Variants in NRG1 observed in about 807,000 individuals in gnomAD.
The protein encoded by NRG1 is pro-neuregulin-1, membrane-bound isoform.
Under a neutral mutation model 63.8 loss-of-function variants are expected in NRG1, and 18 were observed. That is an observed-to-expected ratio of 0.28 (90% CI 0.19 to 0.42). The LOEUF (loss-of-function observed/expected upper bound fraction) is 0.42. Among genes scored for constraint, NRG1 ranks in the 10% least tolerant of loss-of-function variants. NRG1 has a pLI of 1.00. For missense variants in NRG1, 762 were observed against 814.7 expected (o/e 0.94, Z 0.79); for synonymous variants, 302 against 301.3 (o/e 1.00, Z -0.02).
rs77606439 is a variant in NRG1, at chr8:31,664,203, C to G, written c.37+24772C>G. Among the ~76,000 whole-genome samples, 462 of 152,282 alleles carry G rather than the reference C, an allele frequency of 3.0e-3. 3 individuals are homozygous for G. Among genetic ancestry groups the G allele is most frequent in the African/African-American group, 0.011 (444 of 41,562 alleles). The stretch of plus-strand genomic sequence containing the variant: ...GAAAGGCAGGCACCAGTGGATTCCT[C>G]TGTAGTCAAGACTTAACATAACCAG... On this transcript the variant is annotated intron_variant, in intron 1 of 10. Transcript: ENST00000519301.
intron 1 of NRG1, among the ~76,000 whole-genome samples, chr8:32,065,699 C>G (rs1159731864): frequency 6.6e-6 from 1 of 151,974 alleles, no homozygotes; most frequent in Non-Finnish European, 1.5e-5. Context: ...GGGTATATAC[C>G]CAGTAATGGG....
intron 1 of NRG1, among the ~76,000 whole-genome samples, chr8:32,566,985 A>C (rs1395657085): frequency 3.9e-5 from 6 of 152,116 alleles, no homozygotes; most frequent in Non-Finnish European, 5.9e-5. Context: ...TGGGATTATA[A>C]GCAGGCACCA....
Position 31,640,514 on chromosome 8 carries a change from A to G in NRG1, c.37+1083A>G, listed in dbSNP as rs749713591. ...GCGGTGAAAGCCGGGGGCTTGAAGA[A>G]GGACTCGCTGCTCACCGTGCGCCTG... is the stretch of plus-strand genomic sequence containing the variant. On this transcript the variant is annotated intron_variant, in intron 1 of 10. Coordinates refer to the NRG1 transcript ENST00000519301. This position sits in a 1 kb window ranked among gnomAD's most constrained non-coding sequence, Gnocchi z 6.3. 59 of 1,610,956 alleles carry G rather than the reference A, an allele frequency of 3.7e-5. No homozygotes were observed. The highest frequency in any genetic ancestry group is 4.7e-5 in the Non-Finnish European group (55 of 1,179,192).
intron 1 of NRG1, among the ~76,000 whole-genome samples, chr8:32,345,960 A>G (rs918965702): frequency 1.3e-5 from 2 of 151,686 alleles, no homozygotes; most frequent in African/African-American, 4.8e-5. Flanking sequence ...GTGAGCCAAG[A>G]TGGCACCACT....
At chr8:32,560,765 C>T (rs1836238569) in intron 1 of NRG1, among the ~76,000 whole-genome samples, 1 of 152,136 alleles carries the variant, frequency 6.6e-6, no homozygotes, top group South Asian at 2.1e-4. Flanking sequence ...ATTCTTGCTA[C>T]CATTAAAATA....
At chr8:32,491,374 T>A (rs1468142044) in intron 1 of NRG1, among the ~76,000 whole-genome samples, 1 of 152,158 alleles carries the variant, frequency 6.6e-6, no homozygotes, top group Non-Finnish European at 1.5e-5. Flanking sequence ...CTTATAAAAA[T>A]TACTATTTTA....
intron 1 of NRG1, among the ~76,000 whole-genome samples, chr8:32,253,226 T>C (rs1043933133): frequency 1.3e-5 from 2 of 152,186 alleles, no homozygotes; most frequent in African/African-American, 4.8e-5. Context: ...GAACTTCCAA[T>C]ACAATGTTGA....
At chr8:32,128,728 TA>T (rs1024384448) in intron 1 of NRG1, among the ~76,000 whole-genome samples, 1 of 151,690 alleles carries the variant, frequency 6.6e-6, no homozygotes, top group Non-Finnish European at 1.5e-5. Flanking sequence ...ACCTCTTTTT[TA>T]AAAAAAATCC....
intron 1 of NRG1, among the ~76,000 whole-genome samples, chr8:31,718,420 A>G (rs1212282839): frequency 2.6e-5 from 4 of 152,170 alleles, no homozygotes; most frequent in Admixed American, 6.5e-5. Context: ...AGAGCAGTCA[A>G]AGGCCTAAGC....
intron 5 of NRG1, among the ~76,000 whole-genome samples, chr8:32,718,371 C>T (rs767788935): frequency 6.6e-6 from 1 of 152,054 alleles, no homozygotes; most frequent in East Asian, 1.9e-4. Flanking sequence ...TGAATATGAT[C>T]CCTATTCTTT....
At chr8:32,743,490 A>G (rs1826801108) in intron 7 of NRG1, among the ~76,000 whole-genome samples, 1 of 149,434 alleles carries the variant, frequency 6.7e-6, no homozygotes, top group African/African-American at 2.4e-5. Flanking sequence ...AGATATAACA[A>G]CTCAACTATA....
At chr8:31,642,335 T>G (rs967231529) in intron 1 of NRG1, among the ~76,000 whole-genome samples, 3 of 152,204 alleles carry the variant, frequency 2.0e-5, no homozygotes, top group Non-Finnish European at 4.4e-5. Flanking sequence ...AAGTCATGAG[T>G]TTTGAATCAT....
chr8:32,546,859 T>A (rs1461730612), upstream of NRG1, among the ~76,000 whole-genome samples: 4 of 152,264 alleles, frequency 2.6e-5, no homozygotes, highest in Non-Finnish European at 5.9e-5. Context: ...CATATTTCCC[T>A]CCCTCCCTTC....
chr8:32,263,747 A>T (rs1026604420), intron 1 of NRG1, among the ~76,000 whole-genome samples: 3 of 152,110 alleles, frequency 2.0e-5, no homozygotes, highest in African/African-American at 7.2e-5. Context: ...GCCCCATATA[A>T]ATCCCCACAC....
intron 1 of NRG1, among the ~76,000 whole-genome samples, chr8:31,760,037 C>T (rs1179359046): frequency 6.6e-6 from 1 of 152,116 alleles, no homozygotes; most frequent in Non-Finnish European, 1.5e-5. Flanking sequence ...ACTTCCTCCT[C>T]TGATATCCTG....
intron 1 of NRG1, among the ~76,000 whole-genome samples, chr8:32,190,861 G>A (rs1222964042): frequency 6.6e-6 from 1 of 152,166 alleles, no homozygotes; most frequent in Non-Finnish European, 1.5e-5. Context: ...AAAGGGAAGA[G>A]GGCCAGACAA....
chr8:32,183,419 T>C (rs1284024071), intron 1 of NRG1, among the ~76,000 whole-genome samples: 1 of 152,204 alleles, frequency 6.6e-6, no homozygotes, highest in Non-Finnish European at 1.5e-5. Flanking sequence ...CTTTTCTTTT[T>C]CTGTTCAAGT....
At chr8:31,808,366 T>G (rs1166054395) in intron 1 of NRG1, among the ~76,000 whole-genome samples, 1 of 152,110 alleles carries the variant, frequency 6.6e-6, no homozygotes, top group African/African-American at 2.4e-5. Context: ...TTTACTCAAC[T>G]TAGAATTTTA....
intron 1 of NRG1, among the ~76,000 whole-genome samples, chr8:31,946,484 G>A (rs58495354): frequency 3.5e-4 from 54 of 152,330 alleles, no homozygotes; most frequent in Non-Finnish European, 6.8e-4. Context: ...TTTGAACAAT[G>A]AAGATTTATA....
Sources: gnomAD v4.1 joint callset for allele counts (sites outside exome capture counted in the v4.1 genomes callset) on GRCh38, gnomAD v4.1.1 for gene constraint, Gnocchi (gnomAD v3.1) non-coding constraint, MANE v1.5 for transcripts, NCBI Gene and HGNC (gene_info 2026-07-23, HGNC 2026-07-21) for gene names.